Variants in TBX15 observed in about 807,000 individuals in gnomAD.
The protein encoded by TBX15 is T-box transcription factor TBX15.
TBX15 carries 18 observed loss-of-function variants against 53.9 expected under a neutral mutation model. The ratio of observed to expected loss-of-function variants is 0.33; its 90% CI spans 0.23 to 0.49. TBX15 has a LOEUF of 0.49. TBX15 is among the 20% of genes least tolerant of loss of function. The pLI is 0.98. For synonymous variants in TBX15, 295 were observed against 278.0 expected (o/e 1.06, Z -0.61); for missense variants, 692 against 749.5 (o/e 0.92, Z 0.90).
chr1:118,893,420 AGAAAGATGGAAGGAAGGAAGGAAG>A (rs1654253565), intron 7 of TBX15, among the ~76,000 whole-genome samples: 1 of 138,862 alleles, frequency 7.2e-6, no homozygotes, highest in African/African-American at 2.9e-5. Context: ...GAAGAAGGAA[AGAAAGATGGAAGGAAGGAAGGAAG>A]GAAAGAAGGA....
At chr1:118,888,820 A>G (rs1450963486) in intron 7 of TBX15, among the ~76,000 whole-genome samples, 2 of 152,054 alleles carry the variant, frequency 1.3e-5, no homozygotes, top group Non-Finnish European at 2.9e-5. Flanking sequence ...GATGGAGCAG[A>G]TGACTTCCTA....
chr1:118,905,995 A>G (rs1024229022), intron 6 of TBX15, among the ~76,000 whole-genome samples: 2 of 152,202 alleles, frequency 1.3e-5, no homozygotes, highest in African/African-American at 4.8e-5. Flanking sequence ...TGGATTTACA[A>G]ATTCTGAAAG....
At position 118,951,610 on chromosome 1, in the gene TBX15, C is replaced by T. The variant is rs72705346; in HGVS notation, c.206-19778G>A. 4.6e-3 allele frequency among the ~76,000 whole-genome samples: 706 copies of T among 152,288 alleles called. 4 individuals are homozygous for T. The highest frequency in any genetic ancestry group is 0.014 in the Middle Eastern group (4 of 292). ...AGGTCACCTGCTGCAACCACAGGTGCCTTTTTCTACTTTGCCTCATGCCCT... is the reference window on the plus strand; with the variant it reads ...AGGTCACCTGCTGCAACCACAGGTGTCTTTTTCTACTTTGCCTCATGCCCT... On this transcript the variant is annotated intron_variant, in intron 1 of 7. Coordinates refer to ENST00000369429, the MANE Select transcript of TBX15 (RefSeq NM_001330677.2).
At chr1:118,960,526 G>A (rs368309989) in intron 1 of TBX15, among the ~76,000 whole-genome samples, 1 of 152,146 alleles carries the variant, frequency 6.6e-6, no homozygotes, top group Non-Finnish European at 1.5e-5. Context: ...CAGAAGAGGA[G>A]GCCAGTCCTA....
chr1:118,937,443 C>T (rs1053961839), intron 1 of TBX15, among the ~76,000 whole-genome samples: 1 of 152,178 alleles, frequency 6.6e-6, no homozygotes, highest in Non-Finnish European at 1.5e-5. Context: ...CATCTACATG[C>T]TAAAGTTTTC....
rs1268861663 is a variant in TBX15 at position 118,940,291 on chromosome 1, AG to A, written c.206-8460del. On this transcript the variant is annotated intron_variant, in intron 1 of 7. Coordinates refer to ENST00000369429, the MANE Select transcript of TBX15 (RefSeq NM_001330677.2). ...TCTCTTCATCAACTTAACATTATTT[AG>A]TAAGTAAGTACAACTATAAAAGGCC... Among the ~76,000 whole-genome samples the A allele has an allele frequency of 2.0e-5, 3 of 152,026 alleles. No individual in the cohort carries two copies. The East Asian group carries it at 5.8e-4, about 29-fold the overall frequency.
chr1:118,963,952 G>A (rs1391353988), intron 1 of TBX15, among the ~76,000 whole-genome samples: 1 of 152,196 alleles, frequency 6.6e-6, no homozygotes, highest in Non-Finnish European at 1.5e-5. Context: ...AAGCCATATG[G>A]AGAAGAACGG....
intron 1 of TBX15, among the ~76,000 whole-genome samples, chr1:118,981,303 TAC>T (rs35594301): frequency 0.12 from 17,418 of 146,668 alleles, 1,016 homozygotes; most frequent in Non-Finnish European, 0.13. Context: ...TTAAACTAGC[TAC>T]ACACACACAC....
chr1:118,905,447 T>A (rs1382228089), intron 6 of TBX15, among the ~76,000 whole-genome samples: 1 of 152,112 alleles, frequency 6.6e-6, no homozygotes, highest in African/African-American at 2.4e-5. Flanking sequence ...GGCGAACAAA[T>A]AAGGCAGAAA....
intron 6 of TBX15, among the ~76,000 whole-genome samples, chr1:118,908,951 C>A (rs1654934960): frequency 6.6e-6 from 1 of 151,834 alleles, no homozygotes; most frequent in African/African-American, 2.4e-5. Context: ...CACATGCATG[C>A]ATGCTCCCAG....
At chr1:118,923,341 T>C in intron 5 of TBX15, 95 bp downstream of exon 5, 1 of 1,507,844 alleles carries the variant, frequency 6.6e-7, no homozygotes, top group South Asian at 1.2e-5. Context: ...TTGTTGTATG[T>C]CAAATTCCCC....
intron 5 of TBX15, among the ~76,000 whole-genome samples, chr1:118,921,240 A>G (rs750091269): frequency 2.6e-5 from 4 of 152,144 alleles, no homozygotes; most frequent in Non-Finnish European, 4.4e-5. Context: ...ATAAATAAAC[A>G]GTATCTTGGG....
At chr1:118,916,503 A>G (rs1490807952) in intron 5 of TBX15, among the ~76,000 whole-genome samples, 1 of 152,216 alleles carries the variant, frequency 6.6e-6, no homozygotes, top group Admixed American at 6.5e-5. Flanking sequence ...ATCACTGATC[A>G]TTAGAGAAAT....
intron 1 of TBX15, among the ~76,000 whole-genome samples, chr1:118,953,790 G>A (rs892882422): frequency 1.3e-5 from 2 of 152,152 alleles, no homozygotes; most frequent in African/African-American, 4.8e-5. Flanking sequence ...ATGTTCTTTT[G>A]CCCCCTACAA....
At chr1:118,944,835 T>C (rs1656297620) in intron 1 of TBX15, among the ~76,000 whole-genome samples, 1 of 152,214 alleles carries the variant, frequency 6.6e-6, no homozygotes, top group Admixed American at 6.5e-5. Flanking sequence ...CATGGCACCA[T>C]GTTCCAGCAC....
chr1:118,936,753 A>C lies in TBX15; in HGVS notation c.206-4921T>G, dbSNP rs567532056. Among the ~76,000 whole-genome samples, 14 of 152,284 alleles carry C rather than the reference A, an allele frequency of 9.2e-5. No individual in the cohort carries two copies. In the South Asian group the frequency reaches 2.9e-3, roughly 32 times the overall value. ...ACATCACTTAGTACAGGCAAGCCTA[A>C]GAGTTGTTATTATTATTATCTCCAT... On this transcript the variant is annotated intron_variant, in intron 1 of 7. Transcript: ENST00000369429.
At chr1:118,936,598 G>GATA (rs943797330) in intron 1 of TBX15, among the ~76,000 whole-genome samples, 4 of 152,074 alleles carry the variant, frequency 2.6e-5, no homozygotes, top group African/African-American at 9.7e-5. Flanking sequence ...TGGTTCTATT[G>GATA]ATAATAATAT....
intron 6 of TBX15, among the ~76,000 whole-genome samples, chr1:118,910,879 G>C (rs2101553242): frequency 6.6e-6 from 1 of 152,210 alleles, no homozygotes; most frequent in Middle Eastern, 3.4e-3. Flanking sequence ...TACTTACATG[G>C]GGATAGAAAG....
intron 6 of TBX15, among the ~76,000 whole-genome samples, chr1:118,900,139 C>G (rs1487298476): frequency 6.6e-6 from 1 of 151,980 alleles, no homozygotes; most frequent in Non-Finnish European, 1.5e-5. Context: ...CTTCACTTAA[C>G]TAAACAGAGA....
Sources: gnomAD v4.1 joint callset for allele counts (sites outside exome capture counted in the v4.1 genomes callset) on GRCh38, gnomAD v4.1.1 for gene constraint, MANE v1.5 for transcripts, NCBI Gene and HGNC (gene_info 2026-07-23, HGNC 2026-07-21) for gene names.